The following ZNF322 variants were observed in gnomAD, a reference collection of about 807,000 sequenced individuals.
ZNF322 encodes zinc finger protein 322, also known as HLA complex group 12.
ZNF322 carries 1 observed loss-of-function variant against 18.3 expected under a neutral mutation model. The observed-to-expected ratio is 0.05, with a 90% confidence interval of 0.02 to 0.26. ZNF322 has a LOEUF of 0.26. Among genes scored for constraint, ZNF322 ranks in the 10% least tolerant of loss-of-function variants. The pLI, the probability that ZNF322 is intolerant of heterozygous loss-of-function variation, is 1.00. For synonymous variants in ZNF322, 17 were observed against 130.7 expected, an observed-to-expected ratio of 0.13 and a Z score of 5.93; for missense variants, 36 against 403.6, an observed-to-expected ratio of 0.09 and a Z score of 7.80.
At chr6:26,647,511 T>C (rs1432928776) in intron 2 of ZNF322, among the ~76,000 whole-genome samples, 2 of 151,916 alleles carry the variant, frequency 1.3e-5, no homozygotes, top group Non-Finnish European at 2.9e-5. Flanking sequence ...AAAACACACA[T>C]ACATGAAACC....
chr6:26,648,297 A>C (rs1765592005), intron 2 of ZNF322, among the ~76,000 whole-genome samples: 1 of 152,232 alleles, frequency 6.6e-6, no homozygotes, highest in African/African-American at 2.4e-5. Flanking sequence ...AAGAAAGTGG[A>C]AATTAATAGA....
chr6:26,645,253 TAAG>T (rs1270893734), intron 2 of ZNF322, among the ~76,000 whole-genome samples: 3 of 152,012 alleles, frequency 2.0e-5, no homozygotes, highest in Non-Finnish European at 2.9e-5. Context: ...GCAGTAAGAA[TAAG>T]AAGAACAAAT....
intron 2 of ZNF322, among the ~76,000 whole-genome samples, chr6:26,645,997 C>CTCCA (rs2113664806): frequency 6.6e-6 from 1 of 151,950 alleles, no homozygotes; most frequent in South Asian, 2.1e-4. Flanking sequence ...GGCCATTGCA[C>CTCCA]TCCAGCCTGG....
chr6:26,656,974 C>T (rs1014782676), intron 2 of ZNF322, among the ~76,000 whole-genome samples: 1 of 152,090 alleles, frequency 6.6e-6, no homozygotes, highest in African/African-American at 2.4e-5. Flanking sequence ...TAAGGCCGGG[C>T]GTGGTGGCTC....
intron 2 of ZNF322, among the ~76,000 whole-genome samples, chr6:26,644,502 C>A (rs1554148551): frequency 6.6e-6 from 1 of 152,182 alleles, no homozygotes; most frequent in East Asian, 1.9e-4. Flanking sequence ...GGAGTAAATA[C>A]ATGTCACAGA....
intron 3 of ZNF322, 65 bp from the exon 4 acceptor site, chr6:26,638,793 A>G: frequency 1.7e-6 from 1 of 593,688 alleles, no homozygotes; most frequent in Non-Finnish European, 2.6e-6. Flanking sequence ...TCAAAATTAA[A>G]ATCACTGCAG....
At chr6:26,646,032 AAAATAAATAAATAAATAAATAAAT>A (rs58017104) in intron 2 of ZNF322, among the ~76,000 whole-genome samples, 34 of 147,900 alleles carry the variant, frequency 2.3e-4, no homozygotes, top group African/African-American at 8.5e-4. Flanking sequence ...ACTCCGCCTC[AAAATAAATAAATAAATAAATAAAT>A]AAATAAATAA....
intron 2 of ZNF322, among the ~76,000 whole-genome samples, chr6:26,652,052 T>C (rs1240751018): frequency 2.6e-5 from 4 of 152,182 alleles, no homozygotes; most frequent in African/African-American, 9.7e-5. Flanking sequence ...CAGGCTGGTA[T>C]TGAACTCCTG....
rs782259983 is a variant in ZNF322 at position 26,638,115 on chromosome 6, G to T, written c.439C>A (p.Arg147=). ...GQSSDLLVHQ[R]SHTGEKPYLC... ...TATGGTTTCTCGCCAGTATGGCTTC[G>T]CTGGTGGACAAGCAGATCAGAACTC... Residue 147 remains arginine, a synonymous_variant, in exon 4 of 4, where the codon CGA becomes AGA. Coordinates refer to ENST00000415922, the MANE Select transcript of ZNF322 (RefSeq NM_024639.5). 2 of 1,601,226 alleles carry T rather than the reference G, an allele frequency of 1.2e-6. No individual in the cohort carries two copies. The highest frequency in any genetic ancestry group is 1.4e-5 in the African/African-American group (1 of 73,672).
intron 2 of ZNF322, among the ~76,000 whole-genome samples, chr6:26,649,066 A>C (rs1207291077): frequency 1.3e-5 from 2 of 152,262 alleles, no homozygotes; most frequent in African/African-American, 4.8e-5. Flanking sequence ...TAGCCACCAA[A>C]GCCTAAATAC....
At chr6:26,647,235 G>A (rs1307219493) in intron 2 of ZNF322, among the ~76,000 whole-genome samples, 2 of 152,054 alleles carry the variant, frequency 1.3e-5, no homozygotes, top group Non-Finnish European at 2.9e-5. Flanking sequence ...AGGAGTTCAA[G>A]ACCAGCCTGG....
intron 3 of ZNF322, among the ~76,000 whole-genome samples, chr6:26,642,215 A>C (rs1765478146): frequency 6.6e-6 from 1 of 152,162 alleles, no homozygotes; most frequent in African/African-American, 2.4e-5. Context: ...TCCTTTGCTC[A>C]CATGTTTTCC....
At chr6:26,651,033 A>T (rs1554149144) in intron 2 of ZNF322, among the ~76,000 whole-genome samples, 1 of 152,196 alleles carries the variant, frequency 6.6e-6, no homozygotes, top group Non-Finnish European at 1.5e-5. Context: ...TTACTATACT[A>T]TTTGAAGTTA....
At chr6:26,650,526 A>G (rs1197839017) in intron 2 of ZNF322, 1 of 152,226 alleles carries the variant, frequency 6.6e-6, no homozygotes, top group African/African-American at 2.4e-5. Flanking sequence ...ACATGACCAT[A>G]TATGTAAAAA....
intron 3 of ZNF322, among the ~76,000 whole-genome samples, chr6:26,641,763 C>A (rs142330313): frequency 9.8e-4 from 149 of 152,270 alleles, no homozygotes; most frequent in African/African-American, 3.5e-3. Flanking sequence ...TCTCAAGTAC[C>A]CAGGGACACA....
chr6:26,655,579 G>A (rs930550791), intron 2 of ZNF322, among the ~76,000 whole-genome samples: 4 of 152,144 alleles, frequency 2.6e-5, no homozygotes, highest in African/African-American at 9.7e-5. Flanking sequence ...AAATGGCTCA[G>A]GGAAAAATCT....
chr6:26,645,836 A>C (rs1765549107), intron 2 of ZNF322, among the ~76,000 whole-genome samples: 1 of 152,084 alleles, frequency 6.6e-6, no homozygotes, highest in Admixed American at 6.6e-5. Flanking sequence ...GTTCGAGACC[A>C]GCCTGACCAA....
intron 2 of ZNF322, among the ~76,000 whole-genome samples, chr6:26,648,989 A>C (rs2113668145): frequency 6.6e-6 from 1 of 152,402 alleles, no homozygotes; most frequent in East Asian, 1.9e-4. Context: ...AATTTTACTG[A>C]AATAGGGTCA....
chr6:26,643,612 G>C, intron 3 of ZNF322, 47 bp downstream of exon 3: 1 of 155,224 alleles, frequency 6.4e-6, no homozygotes, highest in East Asian at 1.9e-4. Context: ...GATGGAGTCT[G>C]GGAAAGAGAA....
Sources: gnomAD v4.1 joint callset for allele counts (sites outside exome capture counted in the v4.1 genomes callset) on GRCh38, gnomAD v4.1.1 for gene constraint, MANE v1.5 for transcripts, NCBI Gene and HGNC (gene_info 2026-07-23, HGNC 2026-07-21) for gene names.